The following DLGAP2 variants were observed in gnomAD, a reference collection of about 807,000 sequenced individuals.
The protein encoded by DLGAP2 is DLG associated protein 2.
Under a neutral mutation model 100.3 loss-of-function variants are expected in DLGAP2, and 26 were observed. The observed-to-expected ratio is 0.26, with a 90% CI of 0.19 to 0.36. DLGAP2 has a LOEUF of 0.36. DLGAP2 is among the 10% of genes least tolerant of loss of function. DLGAP2 has a pLI of 1.00. For missense variants in DLGAP2, 1,858 were observed against 1,453.2 expected (o/e 1.28, Z -4.53); for synonymous variants, 886 against 630.1 (o/e 1.41, Z -6.08).
At position 1,374,858 on chromosome 8, in the gene DLGAP2, C is replaced by T. The variant is rs72507640; in HGVS notation, c.106+115975C>T. ...GCAACTGTGCGTGGGACTCCGGTGCCGCACGGCCTGGCACTTCGTCTTCCG... is the reference window on the plus strand; with the variant it reads ...GCAACTGTGCGTGGGACTCCGGTGCTGCACGGCCTGGCACTTCGTCTTCCG... On this transcript the variant is annotated intron_variant, in intron 3 of 14. Coordinates refer to ENST00000637795, the MANE Select transcript of DLGAP2 (RefSeq NM_001346810.2). Among the ~76,000 whole-genome samples, 205 of 152,288 alleles carry T rather than the reference C, an allele frequency of 1.3e-3. 1 individual carries two copies. In the South Asian group the frequency reaches 0.018, roughly 13 times the overall value.
chr8:1,675,484 C>G (rs1242641971), intron 10 of DLGAP2, among the ~76,000 whole-genome samples: 2 of 152,244 alleles, frequency 1.3e-5, no homozygotes, highest in East Asian at 1.9e-4. Context: ...CCATCAGTAC[C>G]TCTCTTAGCC....
At chr8:1,279,548 C>T (rs1301698612) in intron 3 of DLGAP2, among the ~76,000 whole-genome samples, 8 of 152,158 alleles carry the variant, frequency 5.3e-5, no homozygotes, top group Admixed American at 3.3e-4. Context: ...AATAGACTAC[C>T]GTAAGCTTAG....
At position 960,237 on chromosome 8, in the gene DLGAP2, C is replaced by CTTTT. The variant is rs71528625; in HGVS notation, c.73+52283_73+52286dup. ...TTGGGCAATTATTCCTGAAGTATATCTTTTTTTTTTTTTTTCCCGAGACAC... is the reference window on the plus strand; with the variant it reads ...TTGGGCAATTATTCCTGAAGTATATCTTTTTTTTTTTTTTTTTTTCCCGAGACAC... On this transcript the variant is annotated intron_variant, in intron 2 of 14. Coordinates refer to ENST00000637795, the MANE Select transcript of DLGAP2 (RefSeq NM_001346810.2). Among the ~76,000 whole-genome samples, 38 of 44,654 alleles carry CTTTT rather than the reference C, an allele frequency of 8.5e-4. 6 individuals are homozygous for CTTTT. Among genetic ancestry groups the CTTTT allele is most frequent in the East Asian group, 2.3e-3 (3 of 1,290 alleles). 29.3% of individuals were successfully genotyped at this position (44,654 alleles called of 152,430 possible).
intron 3 of DLGAP2, among the ~76,000 whole-genome samples, chr8:1,431,746 C>T (rs1257250662): frequency 7.0e-6 from 1 of 143,576 alleles, no homozygotes; most frequent in African/African-American, 2.5e-5. Flanking sequence ...GCTTACTCAG[C>T]CTTCCTTTTC....
intron 1 of DLGAP2, chr8:739,815 A>G (rs1820436361): frequency 6.6e-6 from 1 of 152,140 alleles, no homozygotes; most frequent in South Asian, 2.1e-4. Context: ...TTTATCCCCT[A>G]CATCTGGCAG....
chr8:1,017,645 A>G (rs1165941190), intron 2 of DLGAP2, among the ~76,000 whole-genome samples: 17 of 144,420 alleles, frequency 1.2e-4, no homozygotes, highest in African/African-American at 4.0e-4. Flanking sequence ...GGGACAGATG[A>G]CACCTCCACT....
intron 2 of DLGAP2, among the ~76,000 whole-genome samples, chr8:1,190,636 G>A (rs1015402155): frequency 1.3e-5 from 2 of 152,194 alleles, no homozygotes; most frequent in Non-Finnish European, 2.9e-5. Context: ...GTGCGAGGTT[G>A]TGAGTGTGTG....
intron 1 of DLGAP2, among the ~76,000 whole-genome samples, chr8:762,551 G>T (rs968412370): frequency 1.3e-5 from 2 of 152,022 alleles, no homozygotes; most frequent in Non-Finnish European, 2.9e-5. Flanking sequence ...GACTCCCAGG[G>T]GTCACCCCCT....
chr8:1,555,937 G>A (rs1382175668), intron 5 of DLGAP2, among the ~76,000 whole-genome samples: 4 of 152,100 alleles, frequency 2.6e-5, no homozygotes, highest in South Asian at 2.1e-4. Flanking sequence ...ACAGTGTTCC[G>A]AAAAGCACAT....
chr8:1,221,432 C>G (rs1417985282), intron 2 of DLGAP2, among the ~76,000 whole-genome samples: 1 of 152,188 alleles, frequency 6.6e-6, no homozygotes, highest in Non-Finnish European at 1.5e-5. Flanking sequence ...GTTTCTTAAT[C>G]TCTTCTGGCT....
chr8:923,932 C>T (rs1377355157), intron 2 of DLGAP2, among the ~76,000 whole-genome samples: 1 of 152,214 alleles, frequency 6.6e-6, no homozygotes, highest in African/African-American at 2.4e-5. Context: ...TCAGCTCAAA[C>T]AGAAATTATC....
intron 8 of DLGAP2, among the ~76,000 whole-genome samples, chr8:1,652,721 G>T (rs1215364951): frequency 2.6e-5 from 4 of 152,176 alleles, no homozygotes; most frequent in Non-Finnish European, 4.4e-5. Context: ...TGCATCGTCT[G>T]TTTCTGTCAT....
intron 2 of DLGAP2, among the ~76,000 whole-genome samples, chr8:1,231,227 C>G (rs1264730738): frequency 6.6e-6 from 1 of 151,938 alleles, no homozygotes; most frequent in Non-Finnish European, 1.5e-5. Flanking sequence ...GTCAAAAAAC[C>G]CACGAAAAAA....
At chr8:1,172,234 A>G (rs184559021) in intron 2 of DLGAP2, among the ~76,000 whole-genome samples, 10,743 of 152,058 alleles carry the variant, frequency 0.071, 1,086 homozygotes, top group African/African-American at 0.23. Flanking sequence ...TGGCTTGTAG[A>G]GTTTCTGCCT....
intron 2 of DLGAP2, among the ~76,000 whole-genome samples, chr8:949,358 G>T (rs952502992): frequency 3.9e-5 from 6 of 152,204 alleles, no homozygotes; most frequent in African/African-American, 1.4e-4. Flanking sequence ...ACGCTGGATA[G>T]TCCCAGCTGT....
chr8:1,444,771 C>CTTTTTTT (rs914045708), intron 3 of DLGAP2, among the ~76,000 whole-genome samples: 11 of 79,854 alleles, frequency 1.4e-4, no homozygotes, highest in African/African-American at 3.9e-4. Flanking sequence ...CCAGGTCATT[C>CTTTTTTT]TTTTTTTTTT....
intron 3 of DLGAP2, among the ~76,000 whole-genome samples, chr8:1,481,471 CTTTTTT>C (rs1165790168): frequency 2.1e-3 from 92 of 43,700 alleles, no homozygotes; most frequent in East Asian, 3.7e-3. Flanking sequence ...TTTTCTTTTT[CTTTTTT>C]TTTTTTTTTT....
intron 4 of DLGAP2, among the ~76,000 whole-genome samples, chr8:1,504,551 C>T (rs893143241): frequency 6.6e-6 from 1 of 152,118 alleles, no homozygotes; most frequent in Non-Finnish European, 1.5e-5. Flanking sequence ...CCTCCCAGTT[C>T]CCCCCAACCC....
chr8:1,416,481 T>A (rs1796886723), intron 3 of DLGAP2, among the ~76,000 whole-genome samples: 1 of 152,244 alleles, frequency 6.6e-6, no homozygotes, highest in African/African-American at 2.4e-5. Context: ...AATCCGATTT[T>A]GCTGCTCCTG....
Sources: gnomAD v4.1 joint callset for allele counts (sites outside exome capture counted in the v4.1 genomes callset) on GRCh38, gnomAD v4.1.1 for gene constraint, MANE v1.5 for transcripts, NCBI Gene and HGNC (gene_info 2026-07-23, HGNC 2026-07-21) for gene names.